The following LGSN variants were observed in gnomAD, a reference collection of about 807,000 sequenced individuals.
The protein encoded by LGSN is lengsin.
A neutral mutation model predicts 19.5 loss-of-function variants in LGSN; 21 were observed. The observed-to-expected ratio is 1.07, with a 90% CI of 0.76 to 1.55. The LOEUF is 1.55. LGSN is among the 40% of genes most tolerant of loss of function. The pLI is 0.00. For synonymous variants in LGSN, 257 were observed against 215.6 expected (o/e 1.19, Z -1.68); for missense variants, 673 against 608.5 (o/e 1.11, Z -1.12).
the LGSN span, among the ~76,000 whole-genome samples, chr6:63,367,475 G>A: frequency 4.6e-5 from 7 of 151,936 alleles, no homozygotes; most frequent in East Asian, 1.9e-4. Context: ...AAATAGGAAA[G>A]CTTTTACACT....
At chr6:63,335,137 C>T in the LGSN span, among the ~76,000 whole-genome samples, 44 of 130,186 alleles carry the variant, frequency 3.4e-4, no homozygotes, top group East Asian at 9.6e-3. Flanking sequence ...AATGAGACTC[C>T]ATCTCAAAAA....
At chr6:63,301,935 A>G (rs1177381780) in intron 1 of LGSN, among the ~76,000 whole-genome samples, 1 of 152,144 alleles carries the variant, frequency 6.6e-6, no homozygotes, top group Non-Finnish European at 1.5e-5. Context: ...TTCTATTTTG[A>G]TAGTGTTTAA....
At chr6:63,549,055 C>G in the LGSN span, 11 of 720,688 alleles carry the variant, frequency 1.5e-5, no homozygotes, top group Non-Finnish European at 2.8e-5. Flanking sequence ...ACCGGCTGAG[C>G]TTTCTTATTC....
the LGSN span, among the ~76,000 whole-genome samples, chr6:63,555,737 A>G: frequency 7.2e-6 from 1 of 138,344 alleles, no homozygotes; most frequent in South Asian, 2.2e-4. Context: ...TCTGTCACCC[A>G]GCCTGGAGTG....
At chr6:63,526,819 A>G in the LGSN span, among the ~76,000 whole-genome samples, 3 of 142,766 alleles carry the variant, frequency 2.1e-5, no homozygotes, top group South Asian at 4.4e-4. Context: ...ATATATATAT[A>G]TATATATATA....
the LGSN span, among the ~76,000 whole-genome samples, chr6:63,487,001 A>G: frequency 6.6e-5 from 10 of 151,450 alleles, no homozygotes; most frequent in Admixed American, 2.6e-4. Context: ...ACACCTGGCT[A>G]ATTTTTGTAT....
the LGSN span, among the ~76,000 whole-genome samples, chr6:63,380,422 A>G: frequency 1.3e-5 from 2 of 152,256 alleles, no homozygotes; most frequent in Admixed American, 1.3e-4. Context: ...GAAAGGAAAC[A>G]GCATTCCTCC....
chr6:63,338,437 A>G, the LGSN span, among the ~76,000 whole-genome samples: 1 of 152,092 alleles, frequency 6.6e-6, no homozygotes, highest in Non-Finnish European at 1.5e-5. Flanking sequence ...AGTAGGTTAT[A>G]TATGTTCAGG....
rs1057436717 is a variant in LGSN at position 63,279,030 on chromosome 6, T to A, written c.*991A>T. 2 of 152,240 alleles carry A rather than the reference T, an allele frequency of 1.3e-5. No homozygotes were observed. Among genetic ancestry groups the A allele is most frequent in the Non-Finnish European group, 2.9e-5 (2 of 68,052 alleles). The allele number at this position is 152,240 out of a possible 1,614,324, so 9.4% of individuals were successfully genotyped here. ...CTAAACTTTTGTGATAGTTACAATA[T>A]TATCTCATTCAAACAAAGGCCTGGA... On this transcript the variant is annotated 3_prime_UTR_variant, in exon 4 of 4. Transcript: ENST00000370657.
At chr6:63,412,764 AAAGAAAGGAAGG>A in the LGSN span, among the ~76,000 whole-genome samples, 20 of 32,734 alleles carry the variant, frequency 6.1e-4, no homozygotes, top group South Asian at 3.0e-3. Flanking sequence ...AGAAAGAAAG[AAAGAAAGGAAGG>A]AAGGGAAGGA....
the LGSN span, among the ~76,000 whole-genome samples, chr6:63,536,288 C>T: frequency 1.3e-5 from 2 of 152,118 alleles, no homozygotes; most frequent in South Asian, 4.1e-4. Context: ...TGAAATCCTG[C>T]CACTGCACTC....
the LGSN span, among the ~76,000 whole-genome samples, chr6:63,357,178 C>A: frequency 6.6e-6 from 1 of 152,116 alleles, no homozygotes; most frequent in Admixed American, 6.6e-5. Flanking sequence ...TTTTTTATGG[C>A]TGCATAGTAT....
At chr6:63,313,880 A>G (rs1339593515) in intron 1 of LGSN, among the ~76,000 whole-genome samples, 1 of 151,860 alleles carries the variant, frequency 6.6e-6, no homozygotes, top group African/African-American at 2.4e-5. Context: ...ACATACATAC[A>G]TACATACATA....
rs772807246 is a variant in LGSN, at chr6:63,281,224, A to C, written c.331-4T>G. 6.1e-6 allele frequency: 9 copies of C among 1,476,780 alleles called. No homozygotes were observed. The African/African-American group carries it at 1.1e-4, about 19-fold the overall frequency. 91.5% of individuals were successfully genotyped at this position (1,476,780 alleles called of 1,614,324 possible). ...AAACACCATGGCTCACTTTCTCCTAAAGAAGGAAAAAAATGAAGAAATTAG... is the reference window on the plus strand; with the variant it reads ...AAACACCATGGCTCACTTTCTCCTACAGAAGGAAAAAAATGAAGAAATTAG... On this transcript the variant is annotated splice_polypyrimidine_tract_variant and splice_region_variant and intron_variant, in intron 3 of 3. Coordinates refer to ENST00000370657, the MANE Select transcript of LGSN (RefSeq NM_016571.3).
At chr6:63,440,333 T>C in the LGSN span, among the ~76,000 whole-genome samples, 2 of 152,154 alleles carry the variant, frequency 1.3e-5, no homozygotes, top group Non-Finnish European at 2.9e-5. Context: ...CCTGGCCTCC[T>C]CAGTTCCTGT....
chr6:63,339,180 G>A, the LGSN span, among the ~76,000 whole-genome samples: 1 of 152,130 alleles, frequency 6.6e-6, no homozygotes, highest in Non-Finnish European at 1.5e-5. Flanking sequence ...GTAAATGCCT[G>A]TTAAGTCCAT....
the LGSN span, among the ~76,000 whole-genome samples, chr6:63,551,554 T>A: frequency 1.3e-5 from 2 of 152,224 alleles, no homozygotes; most frequent in African/African-American, 4.8e-5. Context: ...TTTTTAATTA[T>A]ACTTTAAGTT....
chr6:63,465,728 T>C, the LGSN span, among the ~76,000 whole-genome samples: 1 of 152,180 alleles, frequency 6.6e-6, no homozygotes, highest in Admixed American at 6.5e-5. Flanking sequence ...ATTATTAAAC[T>C]TTCACCAGCA....
chr6:63,386,969 C>T, the LGSN span, among the ~76,000 whole-genome samples: 17 of 152,144 alleles, frequency 1.1e-4, no homozygotes, highest in African/African-American at 3.9e-4. Flanking sequence ...GACATGGTGG[C>T]GTGCACCTGT....
Sources: allele counts gnomAD v4.1 joint callset (sites outside exome capture counted in the v4.1 genomes callset), GRCh38; gene constraint gnomAD v4.1.1; transcripts MANE v1.5; gene names NCBI Gene and HGNC (gene_info 2026-07-23, HGNC 2026-07-21).